The following MPP7 variants were observed in gnomAD, a reference collection of about 807,000 sequenced individuals.
MPP7 encodes the protein MAGUK p55 scaffold protein 7.
In MPP7, 60 loss-of-function variants were observed where a neutral mutation model predicts 76.5. The ratio of observed to expected loss-of-function variants is 0.78; its 90% CI spans 0.64 to 0.97. The LOEUF (loss-of-function observed/expected upper bound fraction) is 0.97. Among genes scored for constraint, MPP7 ranks in the 50% least tolerant of loss-of-function variants. MPP7 has a pLI of 0.00. For synonymous variants in MPP7, 237 were observed against 244.5 expected, an observed-to-expected ratio of 0.97 and a Z score of 0.29; for missense variants, 641 against 694.0, an observed-to-expected ratio of 0.92 and a Z score of 0.86.
chr10:28,102,839 C>T (rs750617684), intron 11 of MPP7, among the ~76,000 whole-genome samples: 27 of 152,200 alleles, frequency 1.8e-4, no homozygotes, highest in Non-Finnish European at 3.2e-4. Flanking sequence ...TACAGGAGCT[C>T]CCTGCTTCTG....
In MPP7 at chr10:28,196,799, C is replaced by T. The variant is rs191810988; in HGVS notation, c.156+5354G>A. On this transcript the variant is annotated intron_variant, in intron 3 of 16. Coordinates refer to ENST00000683449, the MANE Select transcript of MPP7 (RefSeq NM_001318170.2). ...CTCTCTCAAACTAAAATCAGTGGCT[C>T]TTCCAACACTTTGCCACCATCATCT... is the stretch of plus-strand genomic sequence containing the variant. 2.4e-3 allele frequency among the ~76,000 whole-genome samples: 370 copies of T among 152,290 alleles called. 2 individuals carry two copies. Among genetic ancestry groups the T allele is most frequent in the Non-Finnish European group, 3.5e-3 (240 of 68,016 alleles).
intron 11 of MPP7, among the ~76,000 whole-genome samples, chr10:28,103,095 C>T (rs1281925156): frequency 6.6e-6 from 1 of 151,946 alleles, no homozygotes; most frequent in African/African-American, 2.4e-5. Context: ...CACTTGTGCA[C>T]AATGCGTCCT....
intron 3 of MPP7, among the ~76,000 whole-genome samples, chr10:28,198,113 T>C (rs3901407): frequency 0.3 from 45,737 of 152,010 alleles, 8,390 homozygotes; most frequent in African/African-American, 0.49. Flanking sequence ...GATTGCTACA[T>C]TTTTTCCTCC....
Position 28,117,791 on chromosome 10 carries a change from T to C in MPP7, c.952+1860A>G, listed in dbSNP as rs1194687938. Among the ~76,000 whole-genome samples the C allele has an allele frequency of 2.0e-5, 3 of 152,242 alleles. No individual in the cohort carries two copies. The South Asian group carries it at 6.2e-4, about 32-fold the overall frequency. On this transcript the variant is annotated intron_variant, in intron 11 of 16. Coordinates refer to ENST00000683449, the MANE Select transcript of MPP7 (RefSeq NM_001318170.2). ...CTATTTGTCACAGAAATATATTGTC[T>C]CTCTGAACAAGTCCATATCTGTTAT...
At chr10:28,087,916 A>T (rs181792622) in intron 12 of MPP7, among the ~76,000 whole-genome samples, 1 of 152,304 alleles carries the variant, frequency 6.6e-6, no homozygotes, top group Admixed American at 6.5e-5. Context: ...TGTAAGCTAT[A>T]AATAAATTCT....
chr10:28,279,498 G>T (rs1488149865), intron 1 of MPP7, among the ~76,000 whole-genome samples: 2 of 151,958 alleles, frequency 1.3e-5, no homozygotes, highest in Non-Finnish European at 2.9e-5. Flanking sequence ...GGAGGCCGAG[G>T]CGGGTGGATC....
At chr10:28,298,322 T>C (rs1296861838) in intron 1 of MPP7, among the ~76,000 whole-genome samples, 1 of 152,240 alleles carries the variant, frequency 6.6e-6, no homozygotes, top group Non-Finnish European at 1.5e-5. Context: ...AAAGTTGAAA[T>C]GACTCCTAGA....
chr10:28,213,594 A>G (rs1838214085), intron 2 of MPP7, among the ~76,000 whole-genome samples: 1 of 151,942 alleles, frequency 6.6e-6, no homozygotes, highest in Admixed American at 6.6e-5. Flanking sequence ...GGAGTTCAAG[A>G]CCAGCCTGGC....
chr10:28,258,408 AT>A (rs985107617), intron 1 of MPP7, among the ~76,000 whole-genome samples: 4 of 141,914 alleles, frequency 2.8e-5, no homozygotes, highest in East Asian at 2.1e-4. Context: ...ATATATATAA[AT>A]TTTTTTTTGA....
intron 1 of MPP7, among the ~76,000 whole-genome samples, chr10:28,271,835 C>T (rs1164620427): frequency 1.3e-5 from 2 of 152,018 alleles, no homozygotes; most frequent in Non-Finnish European, 2.9e-5. Flanking sequence ...ATTAACCAAG[C>T]GTGGTGGCAC....
At chr10:28,127,455 GA>G (rs559719509) in intron 6 of MPP7, among the ~76,000 whole-genome samples, 96 of 152,300 alleles carry the variant, frequency 6.3e-4, no homozygotes, top group African/African-American at 2.1e-3. Flanking sequence ...TTTATGAAAG[GA>G]AGGTTTAATG....
At chr10:28,083,501 T>G (rs1206435745) in intron 12 of MPP7, among the ~76,000 whole-genome samples, 1 of 151,876 alleles carries the variant, frequency 6.6e-6, no homozygotes, top group Non-Finnish European at 1.5e-5. Flanking sequence ...AAGTTTGCAT[T>G]AATATACCAT....
intron 5 of MPP7, among the ~76,000 whole-genome samples, chr10:28,138,200 A>G (rs1222640572): frequency 6.6e-6 from 1 of 152,350 alleles, no homozygotes; most frequent in African/African-American, 2.4e-5. Flanking sequence ...TTTTATCAAA[A>G]GTGAGCCCCC....
intron 2 of MPP7, among the ~76,000 whole-genome samples, chr10:28,217,526 CAAAAA>C (rs773506497): frequency 1.7e-5 from 1 of 58,984 alleles, no homozygotes; most frequent in African/African-American, 5.8e-5. Context: ...GACTCTGTCT[CAAAAA>C]AAAAAAAAAA....
chr10:28,274,101 C>CTTTTTTT (rs60127503), intron 1 of MPP7, among the ~76,000 whole-genome samples: 1 of 123,656 alleles, frequency 8.1e-6, no homozygotes, highest in African/African-American at 3.1e-5. Context: ...AAATTTTTTT[C>CTTTTTTT]TTTTTTTTTT....
intron 13 of MPP7, among the ~76,000 whole-genome samples, chr10:28,067,598 C>T (rs1356602770): frequency 6.6e-6 from 1 of 152,166 alleles, no homozygotes; most frequent in Non-Finnish European, 1.5e-5. Context: ...GTCCCACAAC[C>T]TTTCTGTAAT....
chr10:28,117,199 T>C (rs1834689390), intron 11 of MPP7, among the ~76,000 whole-genome samples: 1 of 152,104 alleles, frequency 6.6e-6, no homozygotes, highest in Non-Finnish European at 1.5e-5. Context: ...GTATAAAAAG[T>C]TAACTGGCTA....
At chr10:28,328,531 G>A (rs1834440818) in intron 2 of MPP7, among the ~76,000 whole-genome samples, 1 of 149,248 alleles carries the variant, frequency 6.7e-6, no homozygotes, top group Non-Finnish European at 1.5e-5. Flanking sequence ...GAGGAAAAAA[G>A]TGCTTCTGTC....
intron 1 of MPP7, among the ~76,000 whole-genome samples, chr10:28,241,142 T>C (rs922979944): frequency 2.6e-5 from 4 of 152,154 alleles, no homozygotes; most frequent in Non-Finnish European, 5.9e-5. Flanking sequence ...AACATATGCT[T>C]ATATCAATTA....
Sources: allele counts gnomAD v4.1 joint callset (sites outside exome capture counted in the v4.1 genomes callset), GRCh38; gene constraint gnomAD v4.1.1; transcripts MANE v1.5; gene names NCBI Gene and HGNC (gene_info 2026-07-23, HGNC 2026-07-21).